OR9Q1: variants seen among roughly 807,000 people sequenced by gnomAD.
The protein encoded by OR9Q1 is olfactory receptor family 9 subfamily Q member 1.
For synonymous variants in OR9Q1, 153 were observed against 148.6 expected, an observed-to-expected ratio of 1.03 and a Z score of -0.22; for missense variants, 374 against 378.8, an observed-to-expected ratio of 0.99 and a Z score of 0.11.
In OR9Q1 at chr11:58,034,074, C is replaced by T. The variant is rs1220581279; in HGVS notation, c.-93+9970C>T. ...CTGGCCAAATCCAGCTCAGCACTTGCTTTTTTTTTTTTTTTTTTTTTTTTT... is the reference window on the plus strand; with the variant it reads ...CTGGCCAAATCCAGCTCAGCACTTGTTTTTTTTTTTTTTTTTTTTTTTTTT... On this transcript the variant is annotated intron_variant, in intron 1 of 2. Coordinates refer to ENST00000335397, the MANE Select transcript of OR9Q1 (RefSeq NM_001005212.4). 3.4e-3 allele frequency among the ~76,000 whole-genome samples: 206 copies of T among 61,122 alleles called. 1 individual carries two copies. Among genetic ancestry groups the T allele is most frequent in the African/African-American group, 0.012 (185 of 14,936 alleles). 40.1% of individuals were successfully genotyped at this position (61,122 alleles called of 152,430 possible). A position where few individuals can be genotyped will look rare whatever the true frequency, so the allele number is the denominator to read the frequency against.
chr11:58,046,011 G>A (rs1013447), intron 1 of OR9Q1, among the ~76,000 whole-genome samples: 101,496 of 152,078 alleles, frequency 0.67, 34,293 homozygotes, highest in Middle Eastern at 0.79. Context: ...TGTCCCATGA[G>A]AGGCAAAATC....
At chr11:58,091,613 A>G (rs1434337748) in intron 2 of OR9Q1, among the ~76,000 whole-genome samples, 3 of 152,142 alleles carry the variant, frequency 2.0e-5, no homozygotes, top group Non-Finnish European at 4.4e-5. Flanking sequence ...AGAAGAATGT[A>G]TATTCTGTTG....
intron 1 of OR9Q1, among the ~76,000 whole-genome samples, chr11:58,041,979 C>A (rs192730969): frequency 6.6e-6 from 1 of 152,326 alleles, no homozygotes; most frequent in African/African-American, 2.4e-5. Flanking sequence ...AATTGACCAA[C>A]CATTGTGGTA....
At chr11:58,171,402 T>C (rs1854553462) in intron 2 of OR9Q1, 1 of 152,248 alleles carries the variant, frequency 6.6e-6, no homozygotes, top group African/African-American at 2.4e-5. Context: ...CTGTATATGA[T>C]TCTGACCAGA....
chr11:58,037,241 T>A (rs1853108647), intron 1 of OR9Q1, among the ~76,000 whole-genome samples: 1 of 152,178 alleles, frequency 6.6e-6, no homozygotes, highest in African/African-American at 2.4e-5. Context: ...AATTAAGGTA[T>A]GTACATTTTC....
chr11:58,057,124 G>T (rs930433416), intron 2 of OR9Q1, among the ~76,000 whole-genome samples: 2 of 151,424 alleles, frequency 1.3e-5, no homozygotes, highest in Non-Finnish European at 2.9e-5. Context: ...CTCCTGAGTA[G>T]CTGGGACTAT....
At chr11:58,125,232 ACCC>A (rs1854078040) in intron 2 of OR9Q1, 3 of 58,484 alleles carry the variant, frequency 5.1e-5, no homozygotes, top group Admixed American at 2.0e-4. Flanking sequence ...TTCCCCCCTT[ACCC>A]ACCGCCCCCC....
At chr11:58,125,308 T>C (rs1590604529) in intron 2 of OR9Q1, 1 of 132,842 alleles carries the variant, frequency 7.5e-6, no homozygotes, top group African/African-American at 2.8e-5. Context: ...AATCCCAGTC[T>C]GGTCATGGTC....
intron 2 of OR9Q1, among the ~76,000 whole-genome samples, chr11:58,073,876 C>T (rs1034205835): frequency 6.6e-6 from 1 of 152,182 alleles, no homozygotes. Flanking sequence ...TTGTTCAACA[C>T]CTACTTATGA....
intron 1 of OR9Q1, among the ~76,000 whole-genome samples, chr11:58,048,145 A>C (rs541154470): frequency 2.0e-5 from 3 of 152,184 alleles, no homozygotes; most frequent in African/African-American, 7.2e-5. Flanking sequence ...GTTTTTTACA[A>C]TCCATCCATA....
chr11:58,119,287 A>G, intron 2 of OR9Q1: 2 of 1,613,992 alleles, frequency 1.2e-6, no homozygotes, highest in South Asian at 1.1e-5. Flanking sequence ...GTAGAGTTTG[A>G]CATCTACTTG....
intron 2 of OR9Q1, among the ~76,000 whole-genome samples, chr11:58,096,542 T>C (rs1251860849): frequency 1.3e-5 from 2 of 152,144 alleles, no homozygotes; most frequent in African/African-American, 4.8e-5. Context: ...AGAGATGGAG[T>C]CTTGCTGTGT....
At chr11:58,048,679 A>ATATATATAT (rs1554965247) in intron 1 of OR9Q1, among the ~76,000 whole-genome samples, 24 of 131,428 alleles carry the variant, frequency 1.8e-4, no homozygotes, top group Middle Eastern at 3.8e-3. Flanking sequence ...TAAAAAAAAA[A>ATATATATAT]ATATATATAT....
At chr11:58,120,827 T>TATATATATATATATATAC (rs1232813620) in intron 2 of OR9Q1, among the ~76,000 whole-genome samples, 1 of 145,086 alleles carries the variant, frequency 6.9e-6, no homozygotes, top group Non-Finnish European at 1.5e-5. Flanking sequence ...TATATATATA[T>TATATATATATATATATAC]ACATATATTC....
intron 2 of OR9Q1, among the ~76,000 whole-genome samples, chr11:58,136,047 T>G (rs938274909): frequency 1.3e-5 from 2 of 152,148 alleles, no homozygotes; most frequent in African/African-American, 4.8e-5. Flanking sequence ...TCCCATTAGT[T>G]TTCTGAGGTG....
At chr11:58,177,260 A>T (rs2443438) in intron 2 of OR9Q1, among the ~76,000 whole-genome samples, 72,279 of 151,976 alleles carry the variant, frequency 0.48, 17,554 homozygotes, top group East Asian at 0.79. Flanking sequence ...ACACCTTCTG[A>T]GTAGAGGCTG....
chr11:58,029,504 G>A (rs1447439480), intron 1 of OR9Q1, among the ~76,000 whole-genome samples: 1 of 152,214 alleles, frequency 6.6e-6, no homozygotes, highest in Non-Finnish European at 1.5e-5. Flanking sequence ...GATGGGAAGA[G>A]TGTTCAAGAA....
chr11:58,073,190 G>T (rs998377060), intron 2 of OR9Q1: 69 of 225,194 alleles, frequency 3.1e-4, no homozygotes, highest in Non-Finnish European at 5.3e-4. Flanking sequence ...TGACAAACCG[G>T]CATCCATGCT....
At chr11:58,031,673 G>T (rs748655269) in intron 1 of OR9Q1, 4 of 1,613,850 alleles carry the variant, frequency 2.5e-6, no homozygotes, top group South Asian at 2.2e-5. Context: ...GCGCTGGAAG[G>T]CCTTCTCTAC....
Sources: allele counts gnomAD v4.1 joint callset (sites outside exome capture counted in the v4.1 genomes callset), GRCh38; gene constraint gnomAD v4.1.1; transcripts MANE v1.5; gene names NCBI Gene and HGNC (gene_info 2026-07-23, HGNC 2026-07-21).